The following SLC9A2 variants were observed in gnomAD, a reference collection of about 807,000 sequenced individuals.
SLC9A2 encodes solute carrier family 9 member A2, also known as sodium/hydrogen exchanger 2.
SLC9A2 carries 42 observed loss-of-function variants against 71.7 expected under a neutral mutation model. The observed-to-expected ratio is 0.59, with a 90% CI of 0.46 to 0.76. SLC9A2 has a LOEUF of 0.76. Among genes scored for constraint, SLC9A2 ranks in the 30% least tolerant of loss-of-function variants. SLC9A2 has a pLI of 0.00. For missense variants in SLC9A2, 829 were observed against 1,017.4 expected (o/e 0.81, Z 2.52); for synonymous variants, 396 against 392.5 (o/e 1.01, Z -0.10).
At chr2:102,643,551 G>A (rs1272290076) in intron 1 of SLC9A2, among the ~76,000 whole-genome samples, 1 of 152,174 alleles carries the variant, frequency 6.6e-6, no homozygotes. Context: ...CCAAGTCTGA[G>A]ACATGAGAGA....
At chr2:102,658,966 T>C (rs1676999018) in intron 2 of SLC9A2, among the ~76,000 whole-genome samples, 2 of 152,222 alleles carry the variant, frequency 1.3e-5, no homozygotes, top group African/African-American at 2.4e-5. Context: ...AATGCTCACT[T>C]TGTGCTCAGG....
chr2:102,678,341 C>G (rs1446315450), intron 3 of SLC9A2, among the ~76,000 whole-genome samples: 9 of 132,646 alleles, frequency 6.8e-5, no homozygotes, highest in African/African-American at 2.6e-4. Context: ...AAAAAAAAAA[C>G]AGAGAGAGAG....
At chr2:102,648,037 A>G (rs1240408962) in intron 1 of SLC9A2, among the ~76,000 whole-genome samples, 1 of 152,116 alleles carries the variant, frequency 6.6e-6, no homozygotes, top group Non-Finnish European at 1.5e-5. Flanking sequence ...GAGACACAAC[A>G]AAAAAAGAAA....
At chr2:102,704,432 G>T (rs939305083) in intron 9 of SLC9A2, 112 bp from the exon 10 acceptor site, 7 of 925,934 alleles carry the variant, frequency 7.6e-6, no homozygotes, top group Non-Finnish European at 1.1e-5. Flanking sequence ...AGTTATAAGT[G>T]CTTAGCTGAG....
chr2:102,648,907 C>A (rs1175737533), intron 1 of SLC9A2, among the ~76,000 whole-genome samples: 1 of 152,148 alleles, frequency 6.6e-6, no homozygotes, highest in Admixed American at 6.5e-5. Context: ...GTCTATACTG[C>A]CCAAAGTAAT....
At chr2:102,654,075 C>A (rs768916567) in intron 1 of SLC9A2, among the ~76,000 whole-genome samples, 2 of 152,090 alleles carry the variant, frequency 1.3e-5, no homozygotes, top group African/African-American at 2.4e-5. Context: ...AGTAAGGGGG[C>A]AGTCCTCCGA....
intron 1 of SLC9A2, among the ~76,000 whole-genome samples, chr2:102,648,438 C>G (rs1167053745): frequency 6.6e-6 from 1 of 152,134 alleles, no homozygotes; most frequent in African/African-American, 2.4e-5. Flanking sequence ...CGGCACAAGA[C>G]AAGGATGCCC....
intron 3 of SLC9A2, among the ~76,000 whole-genome samples, chr2:102,667,830 G>C (rs1213112062): frequency 6.6e-6 from 1 of 152,146 alleles, no homozygotes; most frequent in Non-Finnish European, 1.5e-5. Flanking sequence ...AGCACTTTGA[G>C]AGGATGAGAC....
At position 102,631,802 on chromosome 2, in the gene SLC9A2, G is replaced by A. The variant is rs144034692; in HGVS notation, c.289+11665G>A. Among the ~76,000 whole-genome samples, 41 of 151,316 alleles carry A rather than the reference G, an allele frequency of 2.7e-4. No individual in the cohort carries two copies. In the East Asian group the frequency reaches 5.4e-3, roughly 20 times the overall value. On this transcript the variant is annotated intron_variant, in intron 1 of 11. Transcript: ENST00000233969. ...CTGTACTGCTTCTGTTTTATTTTGCGTATTTTCATGCTTGTGTAGAAGAAT... is the reference window on the plus strand; with the variant it reads ...CTGTACTGCTTCTGTTTTATTTTGCATATTTTCATGCTTGTGTAGAAGAAT...
intron 11 of SLC9A2, among the ~76,000 whole-genome samples, 171 bp from the exon 12 acceptor site, chr2:102,707,948 G>T (rs1204701883): frequency 3.3e-5 from 5 of 152,200 alleles, no homozygotes; most frequent in African/African-American, 9.7e-5. Context: ...GCTCCCAGGG[G>T]TTATGTAAGA....
At chr2:102,695,232 C>A in intron 7 of SLC9A2, 119 bp downstream of exon 7, 2 of 680,872 alleles carry the variant, frequency 2.9e-6, no homozygotes, top group Non-Finnish European at 5.1e-6. Context: ...CATAGTATGT[C>A]CTCTAAGATA....
intron 11 of SLC9A2, 151 bp from the exon 12 acceptor site, chr2:102,707,968 C>T: frequency 1.3e-6 from 1 of 763,940 alleles, no homozygotes; most frequent in Admixed American, 2.6e-5. Context: ...ATGCACAAGG[C>T]CACTCACCTA....
chr2:102,682,935 G>A (rs1380635981), intron 3 of SLC9A2, among the ~76,000 whole-genome samples: 1 of 152,112 alleles, frequency 6.6e-6, no homozygotes, highest in Non-Finnish European at 1.5e-5. Flanking sequence ...AATTTATTTT[G>A]GACTTGTTTT....
At chr2:102,642,819 A>G (rs1312430392) in intron 1 of SLC9A2, among the ~76,000 whole-genome samples, 3 of 152,188 alleles carry the variant, frequency 2.0e-5, no homozygotes, top group Non-Finnish European at 4.4e-5. Context: ...TTACAACTTC[A>G]AATTTTAACT....
chr2:102,669,427 A>G (rs1237896669), intron 3 of SLC9A2, among the ~76,000 whole-genome samples: 1 of 152,184 alleles, frequency 6.6e-6, no homozygotes, highest in African/African-American at 2.4e-5. Flanking sequence ...TTGTGGCAAT[A>G]GGGAAATGTG....
At chr2:102,703,672 A>G (rs1677917504) in intron 9 of SLC9A2, among the ~76,000 whole-genome samples, 6 of 152,244 alleles carry the variant, frequency 3.9e-5, no homozygotes, top group African/African-American at 7.2e-5. Context: ...GCATCTCTCA[A>G]TAGAACCTAA....
At position 102,682,409 on chromosome 2, in the gene SLC9A2, G is replaced by A. The variant is rs182054827; in HGVS notation, c.1005-852G>A. On this transcript the variant is annotated intron_variant, in intron 3 of 11. Transcript: ENST00000233969. ...CAGCGGAGGCACATGGTGTGTGCCG[G>A]GGTGGAGAGAGGGCAGATGTGAAAC... Among the ~76,000 whole-genome samples the A allele has an allele frequency of 2.4e-3, 370 of 152,288 alleles. 2 individuals are homozygous for A. Among genetic ancestry groups the A allele is most frequent in the African/African-American group, 8.6e-3 (356 of 41,552 alleles).
At chr2:102,684,090 G>A in intron 4 of SLC9A2, 44 bp from the exon 5 acceptor site, 1 of 1,386,154 alleles carries the variant, frequency 7.2e-7, no homozygotes, top group East Asian at 2.3e-5. Flanking sequence ...TTCATATTTT[G>A]GCCTCACCCA....
chr2:102,626,672 A>G (rs556804773), intron 1 of SLC9A2, among the ~76,000 whole-genome samples: 41 of 152,226 alleles, frequency 2.7e-4, no homozygotes, highest in Non-Finnish European at 5.0e-4. Context: ...CAATCTGCTC[A>G]TCTGAAAAAG....
Sources: gnomAD v4.1 joint callset for allele counts (sites outside exome capture counted in the v4.1 genomes callset) on GRCh38, gnomAD v4.1.1 for gene constraint, MANE v1.5 for transcripts, NCBI Gene and HGNC (gene_info 2026-07-23, HGNC 2026-07-21) for gene names.